PPP2R2B: variants seen among roughly 807,000 people sequenced by gnomAD.
PPP2R2B encodes serine/threonine-protein phosphatase 2A 55 kDa regulatory subunit B beta isoform.
PPP2R2B carries 5 observed loss-of-function variants against 46.0 expected under a neutral mutation model. The observed-to-expected ratio is 0.11, with a 90% CI of 0.06 to 0.23. The LOEUF (loss-of-function observed/expected upper bound fraction) is 0.23, where lower values mean the gene tolerates loss of function less well. PPP2R2B is among the 10% of genes least tolerant of loss of function. The pLI is 1.00. For missense variants in PPP2R2B, 367 were observed against 575.0 expected (o/e 0.64, Z 3.70); for synonymous variants, 215 against 206.7 (o/e 1.04, Z -0.34).
intron 1 of PPP2R2B, among the ~76,000 whole-genome samples, chr5:147,044,940 G>A (rs1188078837): frequency 6.6e-6 from 1 of 152,166 alleles, no homozygotes; most frequent in Non-Finnish European, 1.5e-5. Context: ...CTGCCTGGAA[G>A]AGCAAATTCA....
chr5:146,671,631 A>G (rs1200984467), intron 5 of PPP2R2B, among the ~76,000 whole-genome samples: 2 of 152,214 alleles, frequency 1.3e-5, no homozygotes, highest in Admixed American at 1.3e-4. Context: ...CATGAAGCAG[A>G]TACTATAAGT....
At chr5:146,707,646 CAGA>C in intron 2 of PPP2R2B, 1 of 585,020 alleles carries the variant, frequency 1.7e-6, no homozygotes, top group East Asian at 2.8e-5. Context: ...GCGGAGATTC[CAGA>C]AGGAGTGGAG....
intron 2 of PPP2R2B, among the ~76,000 whole-genome samples, chr5:146,739,880 C>A (rs1357355322): frequency 6.6e-6 from 1 of 152,170 alleles, no homozygotes; most frequent in African/African-American, 2.4e-5. Context: ...CTGTGGGAAT[C>A]CTTTGTAGAT....
intron 1 of PPP2R2B, among the ~76,000 whole-genome samples, chr5:146,909,185 T>A (rs1323274864): frequency 6.6e-6 from 1 of 152,152 alleles, no homozygotes; most frequent in Non-Finnish European, 1.5e-5. Flanking sequence ...CACTGAGGAA[T>A]TAAGAGACTA....
intron 1 of PPP2R2B, among the ~76,000 whole-genome samples, chr5:146,931,679 G>T (rs552333450): frequency 6.6e-6 from 1 of 152,236 alleles, no homozygotes; most frequent in South Asian, 2.1e-4. Flanking sequence ...AAAACCTGGG[G>T]ATAAGTTGGG....
At chr5:146,657,033 C>T (rs951314782) in intron 5 of PPP2R2B, among the ~76,000 whole-genome samples, 4 of 152,222 alleles carry the variant, frequency 2.6e-5, no homozygotes, top group African/African-American at 9.6e-5. Flanking sequence ...GGTGACCACA[C>T]CAGCGATTCT....
intron 1 of PPP2R2B, among the ~76,000 whole-genome samples, chr5:146,938,672 T>A (rs945276555): frequency 2.0e-5 from 3 of 151,926 alleles, no homozygotes; most frequent in Admixed American, 2.0e-4. Context: ...ACAGAGATTG[T>A]CTGGATGAAG....
intron 5 of PPP2R2B, among the ~76,000 whole-genome samples, chr5:146,651,287 T>C (rs572091630): frequency 2.0e-5 from 3 of 152,286 alleles, no homozygotes; most frequent in East Asian, 3.9e-4. Context: ...GGGAACCCAA[T>C]GACATCTGAC....
intron 4 of PPP2R2B, among the ~76,000 whole-genome samples, chr5:146,696,016 A>G (rs923845052): frequency 6.6e-6 from 1 of 152,224 alleles, no homozygotes; most frequent in African/African-American, 2.4e-5. Flanking sequence ...AAACTCAATT[A>G]ACAGAATATT....
rs185969064 is a variant in PPP2R2B, at chr5:146,598,429, G to T, written c.960+1862C>A. Among the ~76,000 whole-genome samples the T allele has an allele frequency of 1.7e-3, 257 of 152,274 alleles. 1 individual carries two copies. Among genetic ancestry groups the T allele is most frequent in the South Asian group, 4.8e-3 (23 of 4,832 alleles). ...CTTTAATTATACTAATTGTCTAGAAGATCTCATCCAGTCCTATGGCTTTAA... is the reference window on the plus strand; with the variant it reads ...CTTTAATTATACTAATTGTCTAGAATATCTCATCCAGTCCTATGGCTTTAA... On this transcript the variant is annotated intron_variant, in intron 8 of 9. Transcript: ENST00000394411.
At chr5:146,750,427 C>A (rs1582018954) in intron 2 of PPP2R2B, among the ~76,000 whole-genome samples, 1 of 152,056 alleles carries the variant, frequency 6.6e-6, no homozygotes, top group African/African-American at 2.4e-5. Context: ...AAGTCCTATG[C>A]CTTTATAAAC....
At chr5:146,936,816 C>T (rs1437219419) in intron 1 of PPP2R2B, among the ~76,000 whole-genome samples, 1 of 151,806 alleles carries the variant, frequency 6.6e-6, no homozygotes, top group Admixed American at 6.6e-5. Flanking sequence ...TACTCTAAGC[C>T]CTCCCGAGGT....
At chr5:147,004,648 A>G (rs1395600115) in intron 1 of PPP2R2B, among the ~76,000 whole-genome samples, 2 of 152,178 alleles carry the variant, frequency 1.3e-5, no homozygotes, top group Non-Finnish European at 2.9e-5. Context: ...TGGAGCTATT[A>G]TCTACATGAA....
At chr5:146,660,383 T>A in intron 5 of PPP2R2B, among the ~76,000 whole-genome samples, 1 of 152,222 alleles carries the variant, frequency 6.6e-6, no homozygotes, top group East Asian at 1.9e-4. Flanking sequence ...CTATCTATAC[T>A]GATGTTTATT....
In PPP2R2B at chr5:147,025,535, C is replaced by T. The variant is rs73316575; in HGVS notation, c.79+30130G>A. 9.8e-3 allele frequency among the ~76,000 whole-genome samples: 1,482 copies of T among 151,348 alleles called. 25 individuals are homozygous for T. Among genetic ancestry groups the T allele is most frequent in the African/African-American group, 0.033 (1,355 of 41,358 alleles). On this transcript the variant is annotated intron_variant, in intron 1 of 8. Transcript: ENST00000336640. ...AAGCAAAGATTTCTTAGATATGACACCAAAGCATGATCTATAAAAAAGACA... is the reference window on the plus strand; with the variant it reads ...AAGCAAAGATTTCTTAGATATGACATCAAAGCATGATCTATAAAAAAGACA...
intron 5 of PPP2R2B, among the ~76,000 whole-genome samples, chr5:146,667,009 G>A (rs765077372): frequency 6.6e-6 from 1 of 152,098 alleles, no homozygotes; most frequent in Non-Finnish European, 1.5e-5. Context: ...GGTAGGAAAT[G>A]GTATGTGTGT....
intron 2 of PPP2R2B, among the ~76,000 whole-genome samples, chr5:146,730,638 A>G (rs981012539): frequency 4.6e-5 from 7 of 152,068 alleles, no homozygotes; most frequent in Non-Finnish European, 1.0e-4. Context: ...GTCTCATGAG[A>G]GCTAATGGGT....
intron 1 of PPP2R2B, among the ~76,000 whole-genome samples, chr5:146,916,736 C>A (rs1763399790): frequency 6.6e-6 from 1 of 152,108 alleles, no homozygotes; most frequent in Non-Finnish European, 1.5e-5. Context: ...AGAATAGCAA[C>A]TCTACAGGTG....
rs1346733365 is a variant in PPP2R2B at position 146,588,229 on chromosome 5, T to A, written c.*1718A>T. 6.6e-6 allele frequency: 1 copy of A among 152,198 alleles called. No homozygotes were observed. Among genetic ancestry groups the A allele is most frequent in the East Asian group, 1.9e-4 (1 of 5,194 alleles). The allele number at this position is 152,198 out of a possible 1,614,324, so 9.4% of individuals were successfully genotyped here. ...CCCATGCTCCCTCAATTCTGAGACG[T>A]ACTTTTTTACATTTTAATGTTCCTG... is the stretch of plus-strand genomic sequence containing the variant. On this transcript the variant is annotated 3_prime_UTR_variant, in exon 10 of 10. Transcript: ENST00000394411.
Sources: gnomAD v4.1 joint callset for allele counts (sites outside exome capture counted in the v4.1 genomes callset) on GRCh38, gnomAD v4.1.1 for gene constraint, MANE v1.5 for transcripts, NCBI Gene and HGNC (gene_info 2026-07-23, HGNC 2026-07-21) for gene names.